The following RYR2 variants were observed in gnomAD, a reference collection of about 807,000 sequenced individuals.
The protein encoded by RYR2 is ryanodine receptor 2.
RYR2 carries 227 observed loss-of-function variants against 601.1 expected under a neutral mutation model. The ratio of observed to expected loss-of-function variants is 0.38; its 90% CI spans 0.34 to 0.42. The LOEUF is 0.42. Among genes scored for constraint, RYR2 ranks in the 10% least tolerant of loss-of-function variants. The pLI is 1.00. For missense variants in RYR2, 4,646 were observed against 6,156.5 expected (o/e 0.75, Z 8.21); for synonymous variants, 2,223 against 2,175.1 (o/e 1.02, Z -0.61).
At chr1:237,492,855 G>GGAAC in intron 18 of RYR2, 99 bp from the exon 19 acceptor site, 1 of 1,231,336 alleles carries the variant, frequency 8.1e-7, no homozygotes. Context: ...AAGGAAGGAA[G>GGAAC]GAAGGAAGGA....
Position 237,555,971 on chromosome 1 carries a change from A to T in RYR2, c.3214+5280A>T, listed in dbSNP as rs1371183352. On this transcript the variant is annotated intron_variant, in intron 27 of 104. Transcript: ENST00000366574. ...AAGATATTGTCACTTAAGGGCATAA[A>T]CTATATTCAGTGACACATGATACAT... Among the ~76,000 whole-genome samples the T allele has an allele frequency of 5.9e-5, 9 of 152,166 alleles. No homozygotes were observed. In the East Asian group the frequency reaches 1.5e-3, roughly 26 times the overall value.
intron 35 of RYR2, among the ~76,000 whole-genome samples, chr1:237,605,776 GACAA>G (rs1339517427): frequency 3.3e-5 from 5 of 151,822 alleles, no homozygotes; most frequent in Non-Finnish European, 5.9e-5. Context: ...ACCAACAACA[GACAA>G]ACAGAGAGCC....
intron 80 of RYR2, among the ~76,000 whole-genome samples, chr1:237,747,581 C>T (rs1161025868): frequency 1.3e-5 from 2 of 152,068 alleles, no homozygotes; most frequent in Non-Finnish European, 2.9e-5. Flanking sequence ...TTGTCTGACC[C>T]GCCCATGAAT....
intron 1 of RYR2, among the ~76,000 whole-genome samples, chr1:237,109,397 A>G (rs1669167159): frequency 6.6e-6 from 1 of 152,026 alleles, no homozygotes; most frequent in South Asian, 2.1e-4. Flanking sequence ...GCATGGAGAG[A>G]AAATTGCTTT....
In RYR2 at chr1:237,503,402, G is replaced by A; in HGVS notation, c.2510G>A (p.Ser837Asn). Residue 837 changes from serine to asparagine, a missense_variant, in exon 22 of 105, where the codon AGC becomes AAC. Ser to Asn is a conservative substitution (Grantham distance 46). Coordinates refer to ENST00000366574, the MANE Select transcript of RYR2 (RefSeq NM_001035.3). ...LPKEKLKVEHSREYKQERTYT... is the reference protein window; with the variant it reads ...LPKEKLKVEHNREYKQERTYT... The stretch of plus-strand genomic sequence containing the variant: ...AAAGAAAAGTTGAAAGTGGAACACA[G>A]CCGAGAGTACAAGCAAGAAAGAACT... 6.2e-7 allele frequency: 1 copy of A among 1,613,930 alleles called. No individual in the cohort carries two copies.
intron 34 of RYR2, among the ~76,000 whole-genome samples, chr1:237,600,256 T>C (rs940519898): frequency 6.6e-6 from 1 of 151,686 alleles, no homozygotes; most frequent in Non-Finnish European, 1.5e-5. Flanking sequence ...AACAGACATA[T>C]AGACCAATAA....
At chr1:237,616,194 A>G (rs1024763627) in intron 37 of RYR2, among the ~76,000 whole-genome samples, 13 of 152,170 alleles carry the variant, frequency 8.5e-5, no homozygotes, top group African/African-American at 2.4e-4. Flanking sequence ...AGAAATGGTT[A>G]TATTGTAGAT....
At chr1:237,350,602 A>AAAAAAATAT (rs1558665984) in intron 3 of RYR2, among the ~76,000 whole-genome samples, 3 of 37,002 alleles carry the variant, frequency 8.1e-5, no homozygotes, top group Non-Finnish European at 1.0e-4. Flanking sequence ...AAAAAAAAAA[A>AAAAAAATAT]ATATATATAT....
At chr1:237,448,351 T>C (rs1467820972) in intron 14 of RYR2, among the ~76,000 whole-genome samples, 4 of 152,216 alleles carry the variant, frequency 2.6e-5, no homozygotes, top group African/African-American at 7.2e-5. Flanking sequence ...AATGCCATTA[T>C]GGTCAGAGAA....
At position 237,634,947 on chromosome 1, in the gene RYR2, T is replaced by C; in HGVS notation, c.6747T>C (p.Asp2249=). ...ATGTGGCTGCAGCTTCGGTGATGGATAATAATGAACTAGCATTAGCTCTGC... is the reference window on the plus strand; with the variant it reads ...ATGTGGCTGCAGCTTCGGTGATGGACAATAATGAACTAGCATTAGCTCTGC... ...PLDVAAASVM[D]NNELALALRE... The change falls in exon 44 of 105, where the codon GAT becomes GAC. Residue 2249 remains aspartate (D), a synonymous_variant. Coordinates refer to ENST00000366574, the MANE Select transcript of RYR2 (RefSeq NM_001035.3). 1 of 1,609,428 alleles carries C rather than the reference T, an allele frequency of 6.2e-7. No homozygotes were observed. Among genetic ancestry groups the C allele is most frequent in the Non-Finnish European group, 8.5e-7 (1 of 1,177,910 alleles).
At chr1:237,467,681 G>A (rs1345476912) in intron 16 of RYR2, among the ~76,000 whole-genome samples, 3 of 152,130 alleles carry the variant, frequency 2.0e-5, no homozygotes, top group Non-Finnish European at 4.4e-5. Flanking sequence ...TCTCAGGTCA[G>A]ATAATAACTT....
At chr1:237,499,373 A>G (rs866399219) in intron 20 of RYR2, among the ~76,000 whole-genome samples, 2 of 152,214 alleles carry the variant, frequency 1.3e-5, no homozygotes, top group African/African-American at 4.8e-5. Flanking sequence ...GAATTTAAAT[A>G]TAGAAGTAGT....
chr1:237,563,671 A>G (rs1250493456), intron 27 of RYR2, among the ~76,000 whole-genome samples: 3 of 152,168 alleles, frequency 2.0e-5, no homozygotes, highest in South Asian at 2.1e-4. Flanking sequence ...TTCATTCCCT[A>G]TAGTAATAAA....
chr1:237,610,794 G>C lies in RYR2; in HGVS notation c.4716G>C (p.Lys1572Asn). 6.2e-7 allele frequency: 1 copy of C among 1,609,058 alleles called. No individual in the cohort carries two copies. The highest frequency in any genetic ancestry group is 8.5e-7 in the Non-Finnish European group (1 of 1,178,074). Residue 1572 changes from lysine (K) to asparagine (N), a missense_variant, in exon 36 of 105, where the codon AAG becomes AAC. By Grantham distance (94) the Lys-to-Asn change is moderately conservative (BLOSUM62 0). This residue lies in a region of RYR2 where 1,807 missense variants were observed against 2,088.1 expected (regional missense o/e 0.87). Coordinates refer to ENST00000366574, the MANE Select transcript of RYR2 (RefSeq NM_001035.3). The surrounding 1 kb of genome is among the most constrained non-coding windows in gnomAD (Gnocchi z 4.9). ...TGCCTCTCTCGGCGGGATTATTCAA[G>C]AGTGAGCACAAGAACCCCGTGCCGC... ...NVMPLSAGLF[K>N]SEHKNPVPQC...
At chr1:237,795,455 T>TC in intron 96 of RYR2, 124 bp downstream of exon 96, 1 of 517,082 alleles carries the variant, frequency 1.9e-6, no homozygotes. Flanking sequence ...TCTCCATTTT[T>TC]TTTTTTTAAT....
intron 1 of RYR2, among the ~76,000 whole-genome samples, chr1:237,100,545 C>G (rs1203431217): frequency 6.6e-6 from 1 of 152,162 alleles, no homozygotes; most frequent in East Asian, 1.9e-4. Context: ...CACCACCACA[C>G]CCGGCTATTT....
chr1:237,757,721 C>A lies in RYR2; in HGVS notation c.11270C>A (p.Ala3757Asp), dbSNP rs765833382. ...SKGETGPMVA[A>D]TLKLGIAILN... ...GGTGAAACTGGACCAATGGTAGCAG[C>A]TACTCTGAAACTTGGAATTGCTATT... Residue 3757 changes from alanine (A) to aspartate (D), a missense_variant, in exon 82 of 105, where the codon GCT becomes GAT. This residue lies in a region of RYR2 where 1,497 missense variants were observed against 1,842.6 expected (regional missense o/e 0.81). Coordinates refer to ENST00000366574, the MANE Select transcript of RYR2 (RefSeq NM_001035.3). 1 of 1,611,310 alleles carries A rather than the reference C, an allele frequency of 6.2e-7. No individual in the cohort carries two copies. The highest frequency in any genetic ancestry group is 8.5e-7 in the Non-Finnish European group (1 of 1,177,674).
At chr1:237,557,528 G>A (rs752727106) in intron 27 of RYR2, among the ~76,000 whole-genome samples, 2 of 151,704 alleles carry the variant, frequency 1.3e-5, no homozygotes, top group Non-Finnish European at 2.9e-5. Flanking sequence ...AAAAGTGGCA[G>A]TAGATCAAAT....
intron 38 of RYR2, among the ~76,000 whole-genome samples, chr1:237,621,450 A>G (rs1277766696): frequency 6.6e-6 from 1 of 152,186 alleles, no homozygotes; most frequent in Non-Finnish European, 1.5e-5. Context: ...GACAATAGAA[A>G]AAATGGATCC....
Sources: gnomAD v4.1 joint callset for allele counts (sites outside exome capture counted in the v4.1 genomes callset) on GRCh38, gnomAD v4.1.1 for gene constraint, gnomAD v4.1.1 regional missense constraint, Gnocchi (gnomAD v3.1) non-coding constraint, MANE v1.5 for transcripts, NCBI Gene and HGNC (gene_info 2026-07-23, HGNC 2026-07-21) for gene names.